Variants in KY observed in about 807,000 individuals in gnomAD.
KY encodes kyphoscoliosis peptidase.
Under a neutral mutation model 76.1 loss-of-function variants are expected in KY, and 43 were observed. The ratio of observed to expected loss-of-function variants is 0.57; its 90% confidence interval spans 0.44 to 0.73. KY has a LOEUF of 0.73. KY is among the 30% of genes least tolerant of loss of function. KY has a pLI of 0.00. For missense variants in KY, 722 were observed against 828.9 expected (o/e 0.87, Z 1.58); for synonymous variants, 277 against 326.2 (o/e 0.85, Z 1.63).
intron 8 of KY, among the ~76,000 whole-genome samples, chr3:134,614,598 A>G (rs971862841): frequency 2.6e-5 from 4 of 152,144 alleles, no homozygotes; most frequent in Admixed American, 2.0e-4. Flanking sequence ...GCAGAAGGCA[A>G]TGTCATTACC....
rs912397476 is a variant in KY, at chr3:134,603,796, G to A, written c.1769C>T (p.Pro590Leu). Residue 590 changes from proline (P) to leucine (L), a missense_variant, in exon 11 of 11, where the codon CCT becomes CTT. By Grantham distance (98) the Pro-to-Leu change is moderately conservative. This residue lies in a region of KY where 552 missense variants were observed against 680.9 expected (regional missense o/e 0.81). Transcript: ENST00000423778. Reference sequence around the variant, plus strand: ...TTTGAATGGGACATTCCGGTTGGCAGGAAGCACACCTGACAGAGGTTCCAG... The same window carrying A: ...TTTGAATGGGACATTCCGGTTGGCAAGAAGCACACCTGACAGAGGTTCCAG... ...ELLEPLSGVL[P>L]ANRNVPFKLK... 6.2e-7 allele frequency: 1 copy of A among 1,613,490 alleles called. No homozygotes were observed. Among genetic ancestry groups the A allele is most frequent in the Non-Finnish European group, 8.5e-7 (1 of 1,179,570 alleles).
At chr3:134,618,804 G>GGC (rs536002845) in intron 8 of KY, among the ~76,000 whole-genome samples, 293 of 152,234 alleles carry the variant, frequency 1.9e-3, no homozygotes, top group Middle Eastern at 6.8e-3. Context: ...CAGTCCCCTT[G>GGC]GCATCTGCAG....
chr3:134,618,979 G>A (rs562138429), intron 8 of KY, among the ~76,000 whole-genome samples, 169 bp downstream of exon 8: 6 of 152,208 alleles, frequency 3.9e-5, no homozygotes, highest in Non-Finnish European at 8.8e-5. Flanking sequence ...AGTCAATTAT[G>A]CTGGTGTTAA....
chr3:134,635,830 G>T (rs562625105), intron 3 of KY, among the ~76,000 whole-genome samples: 1 of 152,228 alleles, frequency 6.6e-6, no homozygotes, highest in South Asian at 2.1e-4. Flanking sequence ...ACGATATAAA[G>T]CAGAAAGTGA....
intron 5 of KY, 89 bp downstream of exon 5, chr3:134,627,667 C>T (rs1963641448): frequency 4.2e-6 from 5 of 1,200,648 alleles, no homozygotes; most frequent in Admixed American, 3.7e-5. Context: ...GCATAGTGGC[C>T]CAGGAAGCAA....
At chr3:134,645,101 A>G (rs1021790301) in intron 2 of KY, among the ~76,000 whole-genome samples, 2 of 152,212 alleles carry the variant, frequency 1.3e-5, no homozygotes, top group African/African-American at 4.8e-5. Flanking sequence ...AGGCTGCACA[A>G]TTGGTTTCCC....
In KY at chr3:134,603,676, C is replaced by T. The variant is rs199865600; in HGVS notation, c.1889G>A (p.Ser630Asn). 92 of 1,613,822 alleles carry T rather than the reference C, an allele frequency of 5.7e-5. No homozygotes were observed. The highest frequency in any genetic ancestry group is 1.3e-4 in the Admixed American group (8 of 59,992). The stretch of plus-strand genomic sequence containing the variant: ...ATAGACTTCCTGGCAGCCAGCTGTG[C>T]TGCAGCTTCCCTCCCAGTAGCCCTC... ...NHEGYWEGSC[S>N]TAGCQEVYVM... The change falls in exon 11 of 11, where the codon AGC (serine) becomes AAC (asparagine). Residue 630 changes from serine (S) to asparagine (N), a missense_variant. Coordinates refer to ENST00000423778, the MANE Select transcript of KY (RefSeq NM_178554.6).
Position 134,625,121 on chromosome 3 carries a change from G to A in KY, c.415C>T (p.Arg139Ter), listed in dbSNP as rs373240849. The A allele has an allele frequency of 1.9e-6, 3 of 1,598,740 alleles. No homozygotes were observed. Among genetic ancestry groups the A allele is most frequent in the Admixed American group, 3.5e-5 (2 of 57,818 alleles). ...GKDAHAYPWDRSSLKSMSLDL... is the reference protein window; with the variant it reads ...GKDAHAYPWD ...AGGGACATGGATTTCAGGCTAGATC[G>A]ATCCCAGGGGTAGGCTGGAAACACA... The change falls in exon 6 of 11, where the codon CGA becomes TGA. Residue 139 changes from arginine (R) to a stop codon, truncating the protein, a stop_gained. Transcript: ENST00000423778. LOFTEE classifies it high-confidence loss of function.
intron 5 of KY, among the ~76,000 whole-genome samples, 193 bp downstream of exon 5, chr3:134,627,563 G>C (rs1963623753): frequency 6.6e-6 from 1 of 152,182 alleles, no homozygotes; most frequent in African/African-American, 2.4e-5. Context: ...TGGTGCATGA[G>C]CTTTTTCCTT....
intron 3 of KY, among the ~76,000 whole-genome samples, chr3:134,640,275 A>G (rs967474659): frequency 1.3e-5 from 2 of 152,130 alleles, no homozygotes; most frequent in Non-Finnish European, 2.9e-5. Context: ...CCTGTCCTGT[A>G]TGGAAGAGAC....
chr3:134,608,751 G>A lies in KY; in HGVS notation c.988C>T (p.Pro330Ser), dbSNP rs201201519. Residue 330 changes from proline to serine, a missense_variant, in exon 10 of 11, where the codon CCT becomes TCT. Transcript: ENST00000423778. ...DNKNWQLLKPPQSLRQFENNM... is the reference protein window; with the variant it reads ...DNKNWQLLKPSQSLRQFENNM... ...TTCTCAAACTGCCTCAGAGATTGAG[G>A]AGGTTTTAGCAGCTGCCAGTTCTTG... is the stretch of plus-strand genomic sequence containing the variant. The A allele has an allele frequency of 4.7e-4, 752 of 1,614,032 alleles. 3 individuals carry two copies. The highest frequency in any genetic ancestry group is 1.2e-3 in the Middle Eastern group (7 of 6,062).
At chr3:134,611,201 A>T (rs1960380452) in intron 8 of KY, among the ~76,000 whole-genome samples, 2 of 152,152 alleles carry the variant, frequency 1.3e-5, no homozygotes, top group South Asian at 2.1e-4. Flanking sequence ...GGTCCTTTTG[A>T]CATTGTGCTC....
intron 1 of KY, among the ~76,000 whole-genome samples, chr3:134,648,841 C>T (rs1429577389): frequency 1.3e-5 from 2 of 152,198 alleles, no homozygotes; most frequent in East Asian, 3.9e-4. Flanking sequence ...AGCCTAGGCC[C>T]TCTTTTATAT....
intron 7 of KY, among the ~76,000 whole-genome samples, chr3:134,620,518 T>C (rs1216968562): frequency 1.3e-5 from 2 of 152,188 alleles, no homozygotes; most frequent in Non-Finnish European, 2.9e-5. Flanking sequence ...GCACTGGTTA[T>C]GGGCAGAAGG....
At chr3:134,625,245 A>G (rs1257385799) in intron 5 of KY, 110 bp from the exon 6 acceptor site, 5 of 816,158 alleles carry the variant, frequency 6.1e-6, no homozygotes, top group African/African-American at 1.7e-5. Flanking sequence ...CTTTAACACA[A>G]TTCTCAAAGC....
intron 6 of KY, among the ~76,000 whole-genome samples, chr3:134,622,455 GC>G (rs1311559382): frequency 6.6e-6 from 1 of 152,116 alleles, no homozygotes; most frequent in African/African-American, 2.4e-5. Context: ...AGTGACATAA[GC>G]CAGACACAAA....
At chr3:134,627,884 C>G in intron 4 of KY, 66 bp from the exon 5 acceptor site, 1 of 1,283,114 alleles carries the variant, frequency 7.8e-7, no homozygotes, top group South Asian at 1.2e-5. Flanking sequence ...GCACTGATGA[C>G]TCACCTTCTG....
chr3:134,640,110 G>C (rs1965547464), intron 3 of KY, among the ~76,000 whole-genome samples: 1 of 151,586 alleles, frequency 6.6e-6, no homozygotes, highest in Non-Finnish European at 1.5e-5. Context: ...TTTGCCACCT[G>C]TTGCATAAAG....
Position 134,603,752 on chromosome 3 carries a change from C to A in KY, c.1813G>T (p.Ala605Ser). 1 of 1,611,972 alleles carries A rather than the reference C, an allele frequency of 6.2e-7. No individual in the cohort carries two copies. Among genetic ancestry groups the A allele is most frequent in the Non-Finnish European group, 8.5e-7 (1 of 1,178,510 alleles). ...VPFKLKLHGIAKVLVKGQDTW... is the reference protein window; with the variant it reads ...VPFKLKLHGISKVLVKGQDTW... ...TCCTGCCCCTTCACCAGGACTTTGG[C>A]AATACCATGCAGCTTCAATTTGAAT... The change falls in exon 11 of 11, where the codon GCC becomes TCC. Residue 605 changes from alanine to serine, a missense_variant. Transcript: ENST00000423778.
Sources: gnomAD v4.1 joint callset for allele counts (sites outside exome capture counted in the v4.1 genomes callset) on GRCh38, gnomAD v4.1.1 for gene constraint, gnomAD v4.1.1 regional missense constraint, MANE v1.5 for transcripts, NCBI Gene and HGNC (gene_info 2026-07-23, HGNC 2026-07-21) for gene names.